The following IL1R1 variants were observed in gnomAD, a reference collection of about 807,000 sequenced individuals.
The protein encoded by IL1R1 is interleukin-1 receptor type 1.
In IL1R1, 22 loss-of-function variants were observed where a neutral mutation model predicts 50.2. That is an observed-to-expected ratio of 0.44 (90% CI 0.31 to 0.63). IL1R1 has a LOEUF of 0.63. Ranked by LOEUF, IL1R1 falls within the 20% of genes least tolerant of loss-of-function variation. IL1R1 has a pLI of 0.07. For missense variants in IL1R1, 509 were observed against 676.2 expected (o/e 0.75, Z 2.74); for synonymous variants, 251 against 236.7 (o/e 1.06, Z -0.55).
At chr2:102,082,868 T>G (rs1225453611) in intron 1 of IL1R1, among the ~76,000 whole-genome samples, 1 of 152,146 alleles carries the variant, frequency 6.6e-6, no homozygotes, top group Non-Finnish European at 1.5e-5. Flanking sequence ...GTTTTAAAAT[T>G]TTTCTAATCA....
In IL1R1 at chr2:102,177,264, C is replaced by CA. The variant is rs200623920; in HGVS notation, c.*512dup. 166 of 158,658 alleles carry CA rather than the reference C, an allele frequency of 1.0e-3. 2 individuals carry two copies. Among genetic ancestry groups the CA allele is most frequent in the African/African-American group, 3.9e-3 (161 of 41,586 alleles). 9.8% of individuals were successfully genotyped at this position (158,658 alleles called of 1,614,324 possible). A position where few individuals can be genotyped will look rare whatever the true frequency, so the allele number is the denominator to read the frequency against. On this transcript the variant is annotated 3_prime_UTR_variant, in exon 12 of 12. Coordinates refer to ENST00000410023, the MANE Select transcript of IL1R1 (RefSeq NM_000877.4). The stretch of plus-strand genomic sequence containing the variant: ...CTGGCAACAGAGCAAGACTCCGTCT[C>CA]AAAAAAAGGGCAATAAATGCCCTCT...
chr2:102,136,606 G>C (rs780053074), intron 1 of IL1R1, among the ~76,000 whole-genome samples: 4 of 151,986 alleles, frequency 2.6e-5, no homozygotes, highest in Admixed American at 6.6e-5. Flanking sequence ...TCGAACCCCT[G>C]ACCTCGTGAT....
rs60587758 is a variant in IL1R1 at position 102,127,657 on chromosome 2, C to CTGTG, written c.-84+22821_-84+22824dup. Reference sequence around the variant, plus strand: ...GTAAGACAGAGATGTGTGTGTGTGACTGTGTGTGTGTGTGTGTGTGTGTGT... The same window carrying CTGTG: ...GTAAGACAGAGATGTGTGTGTGTGACTGTGTGTGTGTGTGTGTGTGTGTGTGTGT... On this transcript the variant is annotated intron_variant, in intron 1 of 10. Coordinates refer to the IL1R1 transcript ENST00000409329. 5.5e-3 allele frequency among the ~76,000 whole-genome samples: 799 copies of CTGTG among 144,938 alleles called. 5 individuals are homozygous for CTGTG. Among genetic ancestry groups the CTGTG allele is most frequent in the Middle Eastern group, 0.011 (3 of 282 alleles).
chr2:102,123,337 A>G (rs955936672), intron 1 of IL1R1, among the ~76,000 whole-genome samples: 5 of 152,214 alleles, frequency 3.3e-5, no homozygotes, highest in African/African-American at 9.6e-5. Flanking sequence ...TAATAAATAC[A>G]TTTAGCTTTT....
intron 3 of IL1R1, among the ~76,000 whole-genome samples, chr2:102,162,345 A>G (rs1038650613): frequency 3.3e-5 from 5 of 152,176 alleles, no homozygotes; most frequent in African/African-American, 1.2e-4. Flanking sequence ...TCTTTAGCCA[A>G]TCTGATCATT....
chr2:102,150,701 C>T (rs542546972), intron 1 of IL1R1, among the ~76,000 whole-genome samples: 8 of 152,268 alleles, frequency 5.3e-5, no homozygotes, highest in Middle Eastern at 3.4e-3. Context: ...ACAAGGCCTC[C>T]GGAAGTGGGG....
intron 3 of IL1R1, 79 bp from the exon 4 acceptor site, chr2:102,164,695 G>A: frequency 3.6e-6 from 3 of 837,660 alleles, no homozygotes; most frequent in Admixed American, 4.6e-5. Flanking sequence ...AATAATCAAT[G>A]TGTTTCTTCG....
upstream of IL1R1, among the ~76,000 whole-genome samples, chr2:102,139,669 C>T (rs1357590327): frequency 3.3e-5 from 5 of 152,214 alleles, no homozygotes. Context: ...CACATGAGAT[C>T]TGGTCATTTA....
chr2:102,108,249 G>C (rs1177145342), intron 1 of IL1R1, among the ~76,000 whole-genome samples: 1 of 150,822 alleles, frequency 6.6e-6, no homozygotes, highest in Admixed American at 6.6e-5. Context: ...TGTGGGGGGG[G>C]GTGTGTATAA....
Position 102,116,788 on chromosome 2 carries a change from G to C in IL1R1, c.-84+11916G>C, listed in dbSNP as rs13382261. On this transcript the variant is annotated intron_variant, in intron 1 of 10. Coordinates refer to the IL1R1 transcript ENST00000409329. ...GGGTTCACTTTTCCTTCTAGTGGGG[G>C]AAATGGTGAAATCACGTTAGCACTT... Among the ~76,000 whole-genome samples the C allele has an allele frequency of 8.0e-3, 1,224 of 152,264 alleles. 19 individuals are homozygous for C. The highest frequency in any genetic ancestry group is 0.026 in the African/African-American group (1,100 of 41,548).
chr2:102,157,402 G>GA (rs1684294545), intron 2 of IL1R1, among the ~76,000 whole-genome samples: 1 of 152,138 alleles, frequency 6.6e-6, no homozygotes, highest in African/African-American at 2.4e-5. Context: ...TTTGGATGTA[G>GA]ACTAGATTTG....
intron 1 of IL1R1, among the ~76,000 whole-genome samples, chr2:102,072,768 T>C (rs897118523): frequency 1.3e-5 from 2 of 152,226 alleles, no homozygotes; most frequent in Non-Finnish European, 2.9e-5. Flanking sequence ...AAACTTAGTT[T>C]TTTTTTCCAA....
chr2:102,081,511 G>A (rs1679207371), intron 1 of IL1R1, among the ~76,000 whole-genome samples: 1 of 152,192 alleles, frequency 6.6e-6, no homozygotes, highest in South Asian at 2.1e-4. Flanking sequence ...TACGAATGAG[G>A]ATTGAGTTAG....
At chr2:102,136,498 TC>T (rs1476085459) in intron 1 of IL1R1, among the ~76,000 whole-genome samples, 1 of 150,124 alleles carries the variant, frequency 6.7e-6, no homozygotes, top group Non-Finnish European at 1.5e-5. Context: ...TGCCCCAGCC[TC>T]CCAAGTAGCT....
chr2:102,162,826 T>C (rs1269822224), intron 3 of IL1R1, among the ~76,000 whole-genome samples: 1 of 152,200 alleles, frequency 6.6e-6, no homozygotes, highest in African/African-American at 2.4e-5. Context: ...ATAAGAAAGA[T>C]GATCTTATAA....
chr2:102,105,804 C>G lies in IL1R1; in HGVS notation c.-84+932C>G, dbSNP rs547291043. Among the ~76,000 whole-genome samples the G allele has an allele frequency of 7.2e-5, 11 of 152,308 alleles. No individual in the cohort carries two copies. In the South Asian group the frequency reaches 1.2e-3, roughly 17 times the overall value. On this transcript the variant is annotated intron_variant, in intron 1 of 10. Coordinates refer to the IL1R1 transcript ENST00000409329. ...AAAGCCTGATCATATTTTTCTCCCC[C>G]CTTCAGAAGCTTTGCCAATGTTGCA...
chr2:102,103,234 C>G (rs2104341642), upstream of IL1R1, among the ~76,000 whole-genome samples: 1 of 152,236 alleles, frequency 6.6e-6, no homozygotes. Flanking sequence ...CTTCTGCTAT[C>G]TCCGTTATCA....
At chr2:102,080,279 A>C (rs941398690) in intron 1 of IL1R1, among the ~76,000 whole-genome samples, 1 of 152,200 alleles carries the variant, frequency 6.6e-6, no homozygotes, top group Non-Finnish European at 1.5e-5. Flanking sequence ...GTACTCTCTT[A>C]AGAAAGTGAA....
chr2:102,175,025 A>C (rs1345884889), intron 10 of IL1R1, among the ~76,000 whole-genome samples: 1 of 152,122 alleles, frequency 6.6e-6, no homozygotes, highest in African/African-American at 2.4e-5. Flanking sequence ...TCTGTGATGA[A>C]TAGGACAGAC....
Sources: allele counts gnomAD v4.1 joint callset (sites outside exome capture counted in the v4.1 genomes callset), GRCh38; gene constraint gnomAD v4.1.1; transcripts MANE v1.5; gene names NCBI Gene and HGNC (gene_info 2026-07-23, HGNC 2026-07-21).